Variants in DLG1 observed in about 807,000 individuals in gnomAD.
The protein encoded by DLG1 is discs large MAGUK scaffold protein 1.
In DLG1, 42 loss-of-function variants were observed where a neutral mutation model predicts 123.4. The observed-to-expected ratio is 0.34, with a 90% CI of 0.27 to 0.44. The LOEUF (loss-of-function observed/expected upper bound fraction) is 0.44, where lower values mean the gene tolerates loss of function less well. Ranked by LOEUF, DLG1 falls within the 20% of genes least tolerant of loss-of-function variation. The pLI, the probability that DLG1 is intolerant of heterozygous loss-of-function variation, is 1.00. For missense variants in DLG1, 942 were observed against 1,082.6 expected, an observed-to-expected ratio of 0.87 and a Z score of 1.82; for synonymous variants, 317 against 356.2, an observed-to-expected ratio of 0.89 and a Z score of 1.24.
At chr3:197,190,532 T>C (rs1718737701) in intron 5 of DLG1, among the ~76,000 whole-genome samples, 1 of 152,216 alleles carries the variant, frequency 6.6e-6, no homozygotes. Flanking sequence ...CCAACTCGTG[T>C]TGTTCAAGGG....
intron 11 of DLG1, among the ~76,000 whole-genome samples, chr3:197,127,823 T>C (rs962155444): frequency 1.3e-5 from 2 of 152,236 alleles, no homozygotes; most frequent in South Asian, 2.1e-4. Context: ...TCCCAGTGCA[T>C]GTACAAGTTA....
At chr3:197,263,951 T>G (rs1237709821) in intron 4 of DLG1, among the ~76,000 whole-genome samples, 1 of 152,156 alleles carries the variant, frequency 6.6e-6, no homozygotes, top group Admixed American at 6.5e-5. Flanking sequence ...CCTGAAACAA[T>G]CCTGAAAATT....
At chr3:197,143,281 C>T (rs1207142020) in intron 6 of DLG1, among the ~76,000 whole-genome samples, 2 of 143,258 alleles carry the variant, frequency 1.4e-5, no homozygotes, top group African/African-American at 5.2e-5. Flanking sequence ...GAGATGGAGT[C>T]TCGCTCTGTT....
At chr3:197,166,100 C>T (rs1380933123) in intron 5 of DLG1, among the ~76,000 whole-genome samples, 3 of 152,282 alleles carry the variant, frequency 2.0e-5, no homozygotes, top group Non-Finnish European at 4.4e-5. Flanking sequence ...AAAGCCGTGG[C>T]GGCAGCCTGT....
At chr3:197,146,044 G>A (rs1267321151) in intron 6 of DLG1, among the ~76,000 whole-genome samples, 1 of 151,158 alleles carries the variant, frequency 6.6e-6, no homozygotes, top group Non-Finnish European at 1.5e-5. Flanking sequence ...AAAAGAACTC[G>A]ACCCTTTTTA....
Position 197,051,641 on chromosome 3 carries a change from T to C in DLG1, c.2511A>G (p.Glu837=), listed in dbSNP as rs1727796814. 1.9e-6 allele frequency: 3 copies of C among 1,613,776 alleles called. No individual in the cohort carries two copies. The highest frequency in any genetic ancestry group is 1.3e-5 in the African/African-American group (1 of 74,880). Reference sequence around the variant, plus strand: ...CTCTCTCAAATGTTTTTCTGGCTTGTTCTTCTGTTAGACGCTTATTCATTT... The same window carrying C: ...CTCTCTCAAATGTTTTTCTGGCTTGCTCTTCTGTTAGACGCTTATTCATTT... ...IMEMNKRLTE[E]QARKTFERAM... Residue 837 remains glutamate (E), a synonymous_variant, in exon 24 of 25, where the codon GAA becomes GAG. Coordinates refer to ENST00000667157, the MANE Select transcript of DLG1 (RefSeq NM_001366207.1).
intron 4 of DLG1, among the ~76,000 whole-genome samples, chr3:197,252,242 TG>T (rs909276617): frequency 1.3e-5 from 2 of 152,210 alleles, no homozygotes; most frequent in African/African-American, 4.8e-5. Context: ...CTTCTTTTAC[TG>T]CTTTTACTTT....
At chr3:197,154,602 G>A (rs1378733976) in intron 5 of DLG1, among the ~76,000 whole-genome samples, 1 of 152,046 alleles carries the variant, frequency 6.6e-6, no homozygotes, top group African/African-American at 2.4e-5. Context: ...GTGAACCCGG[G>A]AGGCGGAGCT....
chr3:197,175,897 A>G (rs1806771868), intron 5 of DLG1, among the ~76,000 whole-genome samples: 1 of 152,204 alleles, frequency 6.6e-6, no homozygotes, highest in African/African-American at 2.4e-5. Context: ...CCCTGATCCC[A>G]TAAGCATGGT....
At chr3:197,172,379 A>T (rs534010269) in intron 5 of DLG1, among the ~76,000 whole-genome samples, 1 of 152,168 alleles carries the variant, frequency 6.6e-6, no homozygotes, top group Non-Finnish European at 1.5e-5. Flanking sequence ...ATAATTATAT[A>T]CAAAAATAAA....
chr3:197,248,844 A>T (rs1753023326), intron 4 of DLG1, among the ~76,000 whole-genome samples: 1 of 152,200 alleles, frequency 6.6e-6, no homozygotes, highest in Admixed American at 6.5e-5. Flanking sequence ...TATATACTAG[A>T]ACAAAAGACA....
chr3:197,172,050 TCTTTC>T (rs1162227560), intron 5 of DLG1, among the ~76,000 whole-genome samples: 6 of 152,178 alleles, frequency 3.9e-5, no homozygotes, highest in South Asian at 2.1e-4. Flanking sequence ...TTCTATTGTT[TCTTTC>T]CTTTATTTTT....
At chr3:197,236,435 T>G (rs903765784) in intron 4 of DLG1, among the ~76,000 whole-genome samples, 1 of 151,976 alleles carries the variant, frequency 6.6e-6, no homozygotes, top group Admixed American at 6.6e-5. Flanking sequence ...TGAAAAAAAA[T>G]ACATCAGGTG....
At chr3:197,136,495 A>G in intron 10 of DLG1, 47 bp downstream of exon 10, 4 of 1,522,356 alleles carry the variant, frequency 2.6e-6, no homozygotes, top group Non-Finnish European at 3.6e-6. Flanking sequence ...CAGAAAAATA[A>G]ACAGACTACA....
At chr3:197,139,914 T>C (rs1324183787) in intron 8 of DLG1, among the ~76,000 whole-genome samples, 1 of 152,242 alleles carries the variant, frequency 6.6e-6, no homozygotes, top group Non-Finnish European at 1.5e-5. Flanking sequence ...AAATTTGTTA[T>C]TCAAAATGTT....
At chr3:197,282,917 T>C in intron 3 of DLG1, 72 bp from the exon 4 acceptor site, 1 of 933,938 alleles carries the variant, frequency 1.1e-6, no homozygotes, top group Non-Finnish European at 1.6e-6. Flanking sequence ...TATAACAACA[T>C]AACTCAAAAG....
rs151253475 is a variant in DLG1 at position 197,154,251 on chromosome 3, G to A, written c.484-4455C>T. ...TAGGAGGTGGAGGTTGCAATGAGCC[G>A]AGATGACACCACTGTACTCTAGCCT... On this transcript the variant is annotated intron_variant, in intron 5 of 24. Coordinates refer to ENST00000667157, the MANE Select transcript of DLG1 (RefSeq NM_001366207.1). 5.5e-3 allele frequency among the ~76,000 whole-genome samples: 842 copies of A among 152,086 alleles called. 5 individuals are homozygous for A. The highest frequency in any genetic ancestry group is 8.8e-3 in the Non-Finnish European group (596 of 67,992).
chr3:197,241,750 T>G (rs1403019833), intron 4 of DLG1, among the ~76,000 whole-genome samples: 1 of 152,218 alleles, frequency 6.6e-6, no homozygotes, highest in Non-Finnish European at 1.5e-5. Flanking sequence ...TCTATTCTTT[T>G]GTGATCTAAG....
intron 4 of DLG1, among the ~76,000 whole-genome samples, chr3:197,263,477 C>G (rs1318713435): frequency 1.3e-5 from 2 of 152,118 alleles, no homozygotes; most frequent in Non-Finnish European, 2.9e-5. Context: ...TAAGGTCCAA[C>G]AGGACAAGAC....
Sources: gnomAD v4.1 joint callset for allele counts (sites outside exome capture counted in the v4.1 genomes callset) on GRCh38, gnomAD v4.1.1 for gene constraint, MANE v1.5 for transcripts, NCBI Gene and HGNC (gene_info 2026-07-23, HGNC 2026-07-21) for gene names.